VAV2: variants seen among roughly 807,000 people sequenced by gnomAD.
VAV2 encodes guanine nucleotide exchange factor VAV2.
VAV2 carries 67 observed loss-of-function variants against 132.5 expected under a neutral mutation model. The ratio of observed to expected loss-of-function variants is 0.51; its 90% CI spans 0.42 to 0.62. The LOEUF (loss-of-function observed/expected upper bound fraction) is 0.62, where lower values mean the gene tolerates loss of function less well. Ranked by LOEUF, VAV2 falls within the 20% of genes least tolerant of loss-of-function variation. The pLI is 0.00. For missense variants in VAV2, 938 were observed against 1,153.6 expected (o/e 0.81, Z 2.71); for synonymous variants, 492 against 443.5 (o/e 1.11, Z -1.37).
chr9:133,806,911 C>T lies in VAV2; in HGVS notation c.735+347G>A, dbSNP rs1003504837. 4.6e-5 allele frequency among the ~76,000 whole-genome samples: 7 copies of T among 152,362 alleles called. No homozygotes were observed. The South Asian group carries it at 1.5e-3, about 32-fold the overall frequency. ...GCCTTTCTATGACTGAGTTCAGACA[C>T]CCGCAGGGCAGGCGAGGGGGTCCGC... is the stretch of plus-strand genomic sequence containing the variant. On this transcript the variant is annotated intron_variant, in intron 8 of 29. Coordinates refer to ENST00000371850, the MANE Select transcript of VAV2 (RefSeq NM_001134398.2).
At chr9:133,980,601 T>C (rs1226642368) in intron 1 of VAV2, among the ~76,000 whole-genome samples, 2 of 152,154 alleles carry the variant, frequency 1.3e-5, no homozygotes, top group African/African-American at 4.8e-5. Flanking sequence ...CGCATCTCCC[T>C]GGGTCTCAGA....
intron 2 of VAV2, among the ~76,000 whole-genome samples, chr9:133,898,785 G>A (rs1038186279): frequency 2.7e-5 from 4 of 148,012 alleles, no homozygotes; most frequent in African/African-American, 7.5e-5. Context: ...ACCACAGGCC[G>A]TGTCGGATCC....
intron 3 of VAV2, among the ~76,000 whole-genome samples, chr9:133,836,409 C>T (rs1225776182): frequency 6.6e-6 from 1 of 152,224 alleles, no homozygotes; most frequent in Non-Finnish European, 1.5e-5. Flanking sequence ...CCAACCTCGT[C>T]AGTCATTTCT....
intron 1 of VAV2, among the ~76,000 whole-genome samples, chr9:133,987,997 T>C (rs1842908390): frequency 2.6e-5 from 4 of 152,196 alleles, no homozygotes; most frequent in Admixed American, 2.6e-4. Flanking sequence ...TGATGCTCCA[T>C]TAGGGCAAAT....
intron 2 of VAV2, among the ~76,000 whole-genome samples, chr9:133,886,077 CT>C (rs1276707050): frequency 6.6e-6 from 1 of 152,178 alleles, no homozygotes; most frequent in Non-Finnish European, 1.5e-5. Flanking sequence ...CAGAGCCACC[CT>C]GGGAGGCTGA....
chr9:133,940,242 G>A (rs544120155), intron 1 of VAV2, among the ~76,000 whole-genome samples: 2 of 152,220 alleles, frequency 1.3e-5, no homozygotes, highest in Admixed American at 6.5e-5. Flanking sequence ...GGAGCCATCA[G>A]CCCCCCAATC....
At chr9:133,830,620 T>A (rs564327250) in intron 4 of VAV2, among the ~76,000 whole-genome samples, 1 of 152,306 alleles carries the variant, frequency 6.6e-6, no homozygotes, top group Admixed American at 6.5e-5. Context: ...TAAACCTCTT[T>A]CCTTTACAAT....
chr9:133,960,208 C>T (rs991367308), intron 1 of VAV2, among the ~76,000 whole-genome samples: 4 of 152,232 alleles, frequency 2.6e-5, no homozygotes, highest in South Asian at 2.1e-4. Context: ...AGCAAGACAA[C>T]GCGTTCCCAA....
chr9:133,864,464 T>A (rs996892713), intron 2 of VAV2, among the ~76,000 whole-genome samples: 3 of 152,046 alleles, frequency 2.0e-5, no homozygotes, highest in African/African-American at 4.8e-5. Flanking sequence ...GGTGGTTGAG[T>A]CTGGATCCTG....
At chr9:133,776,521 C>CA (rs1159197989) in intron 23 of VAV2, among the ~76,000 whole-genome samples, 2 of 152,166 alleles carry the variant, frequency 1.3e-5, no homozygotes, top group Non-Finnish European at 2.9e-5. Flanking sequence ...TACAGCCCCC[C>CA]ACCCTGGCCT....
At chr9:133,831,683 G>T (rs931024402) in intron 4 of VAV2, among the ~76,000 whole-genome samples, 4 of 152,200 alleles carry the variant, frequency 2.6e-5, no homozygotes, top group Non-Finnish European at 2.9e-5. Context: ...GAGCCCTCCT[G>T]TGCTGACTGT....
intron 4 of VAV2, among the ~76,000 whole-genome samples, chr9:133,814,514 A>G (rs1224679857): frequency 6.6e-6 from 1 of 152,250 alleles, no homozygotes; most frequent in Non-Finnish European, 1.5e-5. Context: ...AGATGAGGCC[A>G]CTCAGACTGT....
intron 2 of VAV2, among the ~76,000 whole-genome samples, chr9:133,914,117 G>T (rs201144527): frequency 6.6e-6 from 1 of 152,350 alleles, no homozygotes; most frequent in South Asian, 2.1e-4. Context: ...GTCCAGCTCA[G>T]TCAGAAAGGC....
intron 29 of VAV2, among the ~76,000 whole-genome samples, chr9:133,766,759 A>ATATATATATATATAT (rs1833447141): frequency 4.5e-5 from 5 of 112,108 alleles, no homozygotes; most frequent in African/African-American, 1.4e-4. Context: ...AGTATAAATA[A>ATATATATATATATAT]ATATATATAT....
chr9:133,872,913 G>A (rs1838116831), intron 2 of VAV2, among the ~76,000 whole-genome samples: 2 of 152,144 alleles, frequency 1.3e-5, no homozygotes, highest in Admixed American at 1.3e-4. Flanking sequence ...AGAAGTTCTA[G>A]ACCAGCCTGG....
chr9:133,914,102 G>A (rs1342157681), intron 2 of VAV2, among the ~76,000 whole-genome samples: 1 of 152,214 alleles, frequency 6.6e-6, no homozygotes, highest in African/African-American at 2.4e-5. Context: ...GAGGTGCCCT[G>A]GACAGTCCAG....
At chr9:133,898,301 T>A (rs563089016) in intron 2 of VAV2, among the ~76,000 whole-genome samples, 2 of 152,034 alleles carry the variant, frequency 1.3e-5, no homozygotes, top group Non-Finnish European at 2.9e-5. Flanking sequence ...AGAAAGAGAC[T>A]TTTTAGGGCG....
At chr9:133,953,351 G>A (rs1050061336) in intron 1 of VAV2, among the ~76,000 whole-genome samples, 1 of 152,234 alleles carries the variant, frequency 6.6e-6, no homozygotes, top group Non-Finnish European at 1.5e-5. Context: ...TGGGATGAAT[G>A]GGCACACAAT....
In VAV2 at chr9:133,789,348, G is replaced by T. The variant is rs1834360440; in HGVS notation, c.1189-5C>A. On this transcript the variant is annotated splice_region_variant and splice_polypyrimidine_tract_variant and intron_variant, in intron 13 of 29. Coordinates refer to ENST00000371850, the MANE Select transcript of VAV2 (RefSeq NM_001134398.2). The stretch of plus-strand genomic sequence containing the variant: ...AAATTCCTCCAGTTTCACTTGCTGG[G>T]AAGAAGGAGAGGGGCCGTCAGCCGG... The T allele has an allele frequency of 5.9e-6, 9 of 1,532,696 alleles. No individual in the cohort carries two copies. Among genetic ancestry groups the T allele is most frequent in the Non-Finnish European group, 7.0e-6 (8 of 1,138,844 alleles). The allele number at this position is 1,532,696 out of a possible 1,614,324, so 94.9% of individuals were successfully genotyped here. A position where few individuals can be genotyped will look rare whatever the true frequency, so the allele number is the denominator to read the frequency against.
Sources: allele counts gnomAD v4.1 joint callset (sites outside exome capture counted in the v4.1 genomes callset), GRCh38; gene constraint gnomAD v4.1.1; transcripts MANE v1.5; gene names NCBI Gene and HGNC (gene_info 2026-07-23, HGNC 2026-07-21).